MTUS2: variants seen among roughly 807,000 people sequenced by gnomAD.
The protein encoded by MTUS2 is microtubule associated scaffold protein 2.
Under a neutral mutation model 114.1 loss-of-function variants are expected in MTUS2, and 40 were observed. That is an observed-to-expected ratio of 0.35 (90% CI 0.27 to 0.46). The LOEUF (loss-of-function observed/expected upper bound fraction) is 0.46, where lower values mean the gene tolerates loss of function less well. Among genes scored for constraint, MTUS2 ranks in the 20% least tolerant of loss-of-function variants. MTUS2 has a pLI of 1.00. For synonymous variants in MTUS2, 688 were observed against 672.0 expected, an observed-to-expected ratio of 1.02 and a Z score of -0.37; for missense variants, 1,679 against 1,705.4, an observed-to-expected ratio of 0.98 and a Z score of 0.27.
intron 8 of MTUS2, among the ~76,000 whole-genome samples, chr13:29,385,015 G>A (rs575905657): frequency 5.3e-5 from 8 of 152,214 alleles, no homozygotes; most frequent in South Asian, 2.1e-4. Flanking sequence ...TTGTCTGTTC[G>A]TTACATTTGT....
At chr13:29,221,238 A>G (rs1184127586) in intron 5 of MTUS2, among the ~76,000 whole-genome samples, 1 of 152,224 alleles carries the variant, frequency 6.6e-6, no homozygotes, top group Non-Finnish European at 1.5e-5. Flanking sequence ...CAGATTGTGA[A>G]AGTCTCTGAG....
chr13:29,021,728 T>C (rs80248163), intron 2 of MTUS2, among the ~76,000 whole-genome samples: 6,069 of 152,334 alleles, frequency 0.04, 198 homozygotes, highest in South Asian at 0.071. Flanking sequence ...TGTGATCTTA[T>C]TGATTTGCCT....
chr13:29,347,107 G>GTTAA (rs1566145259), intron 7 of MTUS2, among the ~76,000 whole-genome samples: 8 of 145,020 alleles, frequency 5.5e-5, no homozygotes, highest in African/African-American at 1.1e-4. Flanking sequence ...CTTGGAGCCA[G>GTTAA]AGTTCACAGT....
intron 5 of MTUS2, among the ~76,000 whole-genome samples, chr13:29,212,334 A>G (rs1373776259): frequency 6.6e-6 from 1 of 152,090 alleles, no homozygotes; most frequent in African/African-American, 2.4e-5. Flanking sequence ...AAAAAACCCT[A>G]TTCCTCTCCT....
chr13:29,164,286 C>CACG (rs1893224673), intron 5 of MTUS2, among the ~76,000 whole-genome samples: 3 of 152,322 alleles, frequency 2.0e-5, no homozygotes, highest in Non-Finnish European at 4.4e-5. Flanking sequence ...CAGTCAGCAT[C>CACG]ATTTGCTTTC....
intron 2 of MTUS2, among the ~76,000 whole-genome samples, chr13:29,004,211 T>C (rs1328158903): frequency 3.9e-5 from 6 of 151,972 alleles, no homozygotes; most frequent in Non-Finnish European, 8.8e-5. Flanking sequence ...TGTGCATGCA[T>C]GCATGCATGT....
intron 5 of MTUS2, among the ~76,000 whole-genome samples, chr13:29,186,536 G>C (rs1375485893): frequency 1.3e-5 from 2 of 152,152 alleles, no homozygotes; most frequent in African/African-American, 4.8e-5. Context: ...TTAGAGATGA[G>C]AGATAAAATA....
intron 7 of MTUS2, among the ~76,000 whole-genome samples, chr13:29,357,526 T>A (rs1018280553): frequency 2.6e-5 from 4 of 152,114 alleles, no homozygotes; most frequent in African/African-American, 9.7e-5. Context: ...GGGAAAAAAA[T>A]ATCTATCTTT....
At chr13:28,848,698 C>A (rs1297595594) in intron 2 of MTUS2, among the ~76,000 whole-genome samples, 1 of 152,010 alleles carries the variant, frequency 6.6e-6, no homozygotes. Context: ...TTTCTAGCCC[C>A]ACCCTATTCC....
At chr13:29,105,750 T>C (rs751657939) in intron 5 of MTUS2, among the ~76,000 whole-genome samples, 5 of 150,504 alleles carry the variant, frequency 3.3e-5, no homozygotes, top group Non-Finnish European at 7.4e-5. Flanking sequence ...GCATAAATAA[T>C]CCTGGCAAAG....
intron 7 of MTUS2, among the ~76,000 whole-genome samples, chr13:29,340,368 T>C (rs1901331654): frequency 6.6e-6 from 1 of 152,248 alleles, no homozygotes; most frequent in African/African-American, 2.4e-5. Flanking sequence ...GTGCTGTTTT[T>C]GATCAGTGTG....
At chr13:28,958,904 C>G (rs768461168) in intron 2 of MTUS2, among the ~76,000 whole-genome samples, 1 of 152,104 alleles carries the variant, frequency 6.6e-6, no homozygotes, top group Non-Finnish European at 1.5e-5. Context: ...TAATATTTAA[C>G]AAATTTTTAA....
intron 2 of MTUS2, among the ~76,000 whole-genome samples, chr13:28,921,284 C>T (rs538723320): frequency 1.3e-5 from 2 of 152,216 alleles, no homozygotes; most frequent in Non-Finnish European, 1.5e-5. Flanking sequence ...TGGGTCCTTG[C>T]CTTCAAGGCA....
At chr13:29,240,946 A>C (rs1031211361) in intron 5 of MTUS2, among the ~76,000 whole-genome samples, 3 of 152,200 alleles carry the variant, frequency 2.0e-5, no homozygotes, top group African/African-American at 7.2e-5. Flanking sequence ...TATTTCTTTT[A>C]AATGAGAAAA....
intron 2 of MTUS2, among the ~76,000 whole-genome samples, chr13:28,879,864 G>A (rs995909744): frequency 3.9e-5 from 6 of 152,128 alleles, no homozygotes; most frequent in Non-Finnish European, 5.9e-5. Flanking sequence ...CAGGGTCAAT[G>A]TTCAGTAACC....
chr13:29,293,785 G>A (rs1898819280), intron 6 of MTUS2, among the ~76,000 whole-genome samples: 3 of 152,016 alleles, frequency 2.0e-5, no homozygotes, highest in South Asian at 4.1e-4. Flanking sequence ...TGAATTACAT[G>A]GAAAGATGTC....
At chr13:29,100,017 C>T (rs1278101798) in intron 4 of MTUS2, among the ~76,000 whole-genome samples, 1 of 152,128 alleles carries the variant, frequency 6.6e-6, no homozygotes, top group Non-Finnish European at 1.5e-5. Context: ...TTTGGACTAA[C>T]ATAACAGATA....
intron 2 of MTUS2, among the ~76,000 whole-genome samples, chr13:28,973,436 G>A (rs913761395): frequency 6.6e-6 from 1 of 152,176 alleles, no homozygotes; most frequent in African/African-American, 2.4e-5. Context: ...GAGGGTCATA[G>A]TGAAAAACTG....
intron 5 of MTUS2, among the ~76,000 whole-genome samples, chr13:29,263,953 C>G (rs1293892045): frequency 6.6e-6 from 1 of 152,180 alleles, no homozygotes; most frequent in Non-Finnish European, 1.5e-5. Flanking sequence ...CATAGTCTCC[C>G]AAATGTCTCA....
Sources: gnomAD v4.1 joint callset for allele counts (sites outside exome capture counted in the v4.1 genomes callset) on GRCh38, gnomAD v4.1.1 for gene constraint, MANE v1.5 for transcripts, NCBI Gene and HGNC (gene_info 2026-07-23, HGNC 2026-07-21) for gene names.